FSHR: variants seen among roughly 807,000 people sequenced by gnomAD.
The protein encoded by FSHR is follicle stimulating hormone receptor, also known as follicle-stimulating hormone receptor.
FSHR carries 46 observed loss-of-function variants against 52.1 expected under a neutral mutation model. The ratio of observed to expected loss-of-function variants is 0.88; its 90% CI spans 0.70 to 1.13. The LOEUF (loss-of-function observed/expected upper bound fraction) is 1.13, where lower values mean the gene tolerates loss of function less well. Ranked by LOEUF, FSHR falls within the 50% of genes most tolerant of loss-of-function variation. FSHR has a pLI of 0.00. For synonymous variants in FSHR, 399 were observed against 309.6 expected (o/e 1.29, Z -3.03); for missense variants, 964 against 834.6 (o/e 1.16, Z -1.91).
chr2:49,149,831 G>A (rs908451197), intron 1 of FSHR, among the ~76,000 whole-genome samples: 2 of 152,068 alleles, frequency 1.3e-5, no homozygotes, highest in Non-Finnish European at 2.9e-5. Context: ...AAATGCTAGT[G>A]AAAAGAGATT....
At chr2:49,062,982 G>T (rs1285922584) in intron 2 of FSHR, among the ~76,000 whole-genome samples, 1 of 152,094 alleles carries the variant, frequency 6.6e-6, no homozygotes, top group East Asian at 1.9e-4. Flanking sequence ...CTGTTGGTGG[G>T]AATAGAAGTT....
intron 1 of FSHR, among the ~76,000 whole-genome samples, chr2:49,131,874 C>A (rs575432097): frequency 1.0e-3 from 152 of 152,286 alleles, no homozygotes; most frequent in African/African-American, 3.3e-3. Context: ...CCAGCACATG[C>A]CTCACCCTTT....
At chr2:48,982,818 C>T (rs886924579) in intron 8 of FSHR, 94 bp downstream of exon 8, 1 of 1,082,198 alleles carries the variant, frequency 9.2e-7, no homozygotes, top group Admixed American at 1.7e-5. Flanking sequence ...GATGGCCAGC[C>T]CTGTGTTGGA....
At chr2:49,052,580 G>A (rs1379691333) in intron 2 of FSHR, among the ~76,000 whole-genome samples, 2 of 152,184 alleles carry the variant, frequency 1.3e-5, no homozygotes, top group Non-Finnish European at 2.9e-5. Context: ...GGATTCTAAA[G>A]TGCAGTCTAA....
rs749725249 is a variant in FSHR at position 48,963,927 on chromosome 2, C to A, written c.894G>T (p.Arg298Ser). Residue 298 changes from arginine to serine, a missense_variant, in exon 10 of 10, where the codon AGG (arginine) becomes AGT (serine). Physicochemically the swap from Arg to Ser is moderately radical, Grantham distance 110. Transcript: ENST00000406846. ...CCTGAGTCATATAATCAACTTCTTG[C>A]CTTAAAATAGATTTGTTGCAAATTG... ...LHPICNKSIL[R>S]QEVDYMTQAR... The A allele has an allele frequency of 1.1e-5, 17 of 1,613,628 alleles. No homozygotes were observed. In the African/African-American group the frequency reaches 2.3e-4, roughly 22 times the overall value.
intron 1 of FSHR, among the ~76,000 whole-genome samples, chr2:49,083,706 T>C (rs1201748891): frequency 6.7e-6 from 1 of 149,742 alleles, no homozygotes; most frequent in East Asian, 2.0e-4. Context: ...TAGTCTCTGA[T>C]AAAACAGACT....
At chr2:49,074,592 T>TA (rs1011463346) in intron 1 of FSHR, among the ~76,000 whole-genome samples, 2 of 152,020 alleles carry the variant, frequency 1.3e-5, no homozygotes, top group African/African-American at 2.4e-5. Flanking sequence ...ACAGACACTA[T>TA]AAAAAACAGT....
At chr2:49,023,630 C>T (rs762293080) in intron 2 of FSHR, among the ~76,000 whole-genome samples, 5 of 152,168 alleles carry the variant, frequency 3.3e-5, no homozygotes, top group Non-Finnish European at 5.9e-5. Flanking sequence ...ATCCGTGCCT[C>T]TCTGGGTCAC....
intron 1 of FSHR, among the ~76,000 whole-genome samples, chr2:49,070,985 C>T (rs918021386): frequency 1.7e-4 from 26 of 152,162 alleles, no homozygotes; most frequent in Admixed American, 5.2e-4. Context: ...AGAGGGTAAA[C>T]TAAAACCAAG....
chr2:49,143,086 G>A (rs1672748357), intron 1 of FSHR, among the ~76,000 whole-genome samples: 1 of 152,162 alleles, frequency 6.6e-6, no homozygotes, highest in African/African-American at 2.4e-5. Flanking sequence ...GATATTTAAA[G>A]CTGTCTGGAT....
chr2:49,062,668 G>A (rs563143279), intron 2 of FSHR, among the ~76,000 whole-genome samples: 24 of 151,844 alleles, frequency 1.6e-4, no homozygotes, highest in Non-Finnish European at 2.9e-4. Context: ...ACTCATCAAA[G>A]GATTAGTATC....
At position 49,072,896 on chromosome 2, in the gene FSHR, C is replaced by T. The variant is rs114235350; in HGVS notation, c.153-4606G>A. Among the ~76,000 whole-genome samples the T allele has an allele frequency of 6.6e-3, 1,005 of 152,176 alleles. 9 individuals are homozygous for T. The highest frequency in any genetic ancestry group is 0.022 in the African/African-American group (914 of 41,556). ...TTACCACTTAACATTGTAAACTCTG[C>T]TTATTATAGAAGGCTTATTTTAACC... On this transcript the variant is annotated intron_variant, in intron 1 of 9. Coordinates refer to ENST00000406846, the MANE Select transcript of FSHR (RefSeq NM_000145.4).
At chr2:49,109,858 G>A (rs1439495191) in intron 1 of FSHR, among the ~76,000 whole-genome samples, 1 of 152,080 alleles carries the variant, frequency 6.6e-6, no homozygotes, top group Admixed American at 6.6e-5. Context: ...TGTAAAAAAG[G>A]GTAAATTCTT....
intron 1 of FSHR, among the ~76,000 whole-genome samples, chr2:49,108,093 C>G (rs1248154798): frequency 6.6e-6 from 1 of 152,094 alleles, no homozygotes. Context: ...TCTAATCTGT[C>G]GAGGTCCTGA....
intron 1 of FSHR, among the ~76,000 whole-genome samples, chr2:49,138,055 G>A (rs1319021238): frequency 3.9e-5 from 6 of 152,114 alleles, no homozygotes; most frequent in Non-Finnish European, 8.8e-5. Context: ...CATGTGATAA[G>A]GGATTTATAT....
Position 49,127,505 on chromosome 2 carries a change from A to G in FSHR, c.152+26761T>C, listed in dbSNP as rs866380767. On this transcript the variant is annotated intron_variant, in intron 1 of 9. Coordinates refer to ENST00000406846, the MANE Select transcript of FSHR (RefSeq NM_000145.4). ...TTCTGAAATACCCTGTTTCTTTCTC[A>G]ATGACCACCACAATACACACACACA... Among the ~76,000 whole-genome samples, 17 of 147,828 alleles carry G rather than the reference A, an allele frequency of 1.1e-4. 1 individual carries two copies. The highest frequency in any genetic ancestry group is 6.2e-4 in the Admixed American group (9 of 14,462).
chr2:49,021,880 T>TAC (rs1354586601), intron 2 of FSHR, among the ~76,000 whole-genome samples: 1 of 51,304 alleles, frequency 1.9e-5, no homozygotes, highest in African/African-American at 7.0e-5. Flanking sequence ...TATATATATA[T>TAC]ATATATAGAG....
chr2:49,107,301 A>G (rs547045549), intron 1 of FSHR, among the ~76,000 whole-genome samples: 1 of 151,624 alleles, frequency 6.6e-6, no homozygotes, highest in African/African-American at 2.4e-5. Context: ...TTCTTTTGAA[A>G]TTTGTCTTCC....
At chr2:49,133,323 G>A (rs1347822043) in intron 1 of FSHR, among the ~76,000 whole-genome samples, 1 of 152,138 alleles carries the variant, frequency 6.6e-6, no homozygotes, top group Non-Finnish European at 1.5e-5. Context: ...TCTTGTCCCA[G>A]TTCATGAGGC....
Sources: gnomAD v4.1 joint callset for allele counts (sites outside exome capture counted in the v4.1 genomes callset) on GRCh38, gnomAD v4.1.1 for gene constraint, MANE v1.5 for transcripts, NCBI Gene and HGNC (gene_info 2026-07-23, HGNC 2026-07-21) for gene names.